The following RAB22A variants were observed in gnomAD, a reference collection of about 807,000 sequenced individuals.
RAB22A encodes the protein RAB22A, member RAS oncogene family, also known as ras-related protein Rab-22A.
A neutral mutation model predicts 30.2 loss-of-function variants in RAB22A; 13 were observed. That is an observed-to-expected ratio of 0.43 (90% CI 0.28 to 0.68). The LOEUF (loss-of-function observed/expected upper bound fraction) is 0.68, where lower values mean the gene tolerates loss of function less well. Ranked by LOEUF, RAB22A falls within the 30% of genes least tolerant of loss-of-function variation. The pLI, the probability that RAB22A is intolerant of heterozygous loss-of-function variation, is 0.18. For missense variants in RAB22A, 177 were observed against 246.8 expected, an observed-to-expected ratio of 0.72 and a Z score of 1.89; for synonymous variants, 89 against 87.2, an observed-to-expected ratio of 1.02 and a Z score of -0.11.
In RAB22A at chr20:58,362,010, T is replaced by C. The variant is rs1568684253; in HGVS notation, c.*2307T>C. 6.6e-6 allele frequency: 1 copy of C among 152,118 alleles called. No homozygotes were observed. The highest frequency in any genetic ancestry group is 1.5e-5 in the Non-Finnish European group (1 of 68,010). The allele number at this position is 152,118 out of a possible 1,614,324, so 9.4% of individuals were successfully genotyped here. A position where few individuals can be genotyped will look rare whatever the true frequency, so the allele number is the denominator to read the frequency against. ...ATGATTTCTCACCCTCCCTCCCATA[T>C]GTAGGGTGTGATTCTGTTTTATTAT... On this transcript the variant is annotated 3_prime_UTR_variant, in exon 7 of 7. Transcript: ENST00000244040.
Position 58,359,927 on chromosome 20 carries a change from A to G in RAB22A, c.*224A>G, listed in dbSNP as rs188649964. 3.5e-6 allele frequency: 1 copy of G among 287,588 alleles called. No individual in the cohort carries two copies. The highest frequency in any genetic ancestry group is 6.1e-5 in the East Asian group (1 of 16,468). 17.8% of individuals were successfully genotyped at this position (287,588 alleles called of 1,614,324 possible). A position where few individuals can be genotyped will look rare whatever the true frequency, so the allele number is the denominator to read the frequency against. On this transcript the variant is annotated 3_prime_UTR_variant, in exon 7 of 7. Coordinates refer to ENST00000244040, the MANE Select transcript of RAB22A (RefSeq NM_020673.3). ...AGAATCTCTAGTGTACAAAGGGACT[A>G]CATCGTTGGCTTTTGACCTTGCTGA...
chr20:58,318,743 C>T (rs1227172931), intron 2 of RAB22A, among the ~76,000 whole-genome samples: 1 of 152,108 alleles, frequency 6.6e-6, no homozygotes, highest in Non-Finnish European at 1.5e-5. Flanking sequence ...GCACATTTGC[C>T]CTCCCTCCAT....
At chr20:58,345,486 A>G (rs1986930438) in intron 3 of RAB22A, 1 of 152,246 alleles carries the variant, frequency 6.6e-6, no homozygotes, top group African/African-American at 2.4e-5. Flanking sequence ...ATGCACCATC[A>G]CACAGCCCAG....
At chr20:58,340,729 T>C (rs996799457) in intron 2 of RAB22A, among the ~76,000 whole-genome samples, 1 of 152,152 alleles carries the variant, frequency 6.6e-6, no homozygotes, top group African/African-American at 2.4e-5. Context: ...ATAAATGAAC[T>C]ACTCAGATGT....
chr20:58,365,272 C>T lies in RAB22A; in HGVS notation c.*5569C>T, dbSNP rs1383234941. 6.6e-6 allele frequency: 1 copy of T among 152,198 alleles called. No homozygotes were observed. Among genetic ancestry groups the T allele is most frequent in the African/African-American group, 2.4e-5 (1 of 41,450 alleles). The allele number at this position is 152,198 out of a possible 1,614,324, so 9.4% of individuals were successfully genotyped here. A position where few individuals can be genotyped will look rare whatever the true frequency, so the allele number is the denominator to read the frequency against. ...AAGGAAACCCCTCAGCATCTAACGT[C>T]ATCTTGTAGAAGAGCTGGGCATACC... On this transcript the variant is annotated 3_prime_UTR_variant, in exon 7 of 7. Coordinates refer to ENST00000244040, the MANE Select transcript of RAB22A (RefSeq NM_020673.3).
intron 2 of RAB22A, among the ~76,000 whole-genome samples, chr20:58,334,672 A>G (rs1230456924): frequency 6.6e-6 from 1 of 151,822 alleles, no homozygotes; most frequent in East Asian, 1.9e-4. Flanking sequence ...GATATAAAAT[A>G]TATCACAATG....
At chr20:58,324,396 C>T (rs1986517860) in intron 2 of RAB22A, among the ~76,000 whole-genome samples, 1 of 152,002 alleles carries the variant, frequency 6.6e-6, no homozygotes, top group African/African-American at 2.4e-5. Flanking sequence ...ACCCCGTTTT[C>T]ATTTCTGATA....
chr20:58,345,032 A>T (rs1048017030), intron 3 of RAB22A, among the ~76,000 whole-genome samples: 5 of 152,146 alleles, frequency 3.3e-5, no homozygotes, highest in African/African-American at 1.2e-4. Flanking sequence ...TGTCCTTCAG[A>T]AGTGTGTCGC....
intron 2 of RAB22A, among the ~76,000 whole-genome samples, chr20:58,317,214 G>A (rs145435680): frequency 4.0e-5 from 6 of 151,532 alleles, no homozygotes; most frequent in East Asian, 3.9e-4. Context: ...CTCCTGTTTC[G>A]ACCTCCCGAG....
At chr20:58,341,855 A>G (rs985578295) in intron 2 of RAB22A, among the ~76,000 whole-genome samples, 12 of 152,182 alleles carry the variant, frequency 7.9e-5, no homozygotes, top group South Asian at 2.1e-4. Context: ...TCCTTTGAGC[A>G]GCCAAAATGG....
At chr20:58,316,283 ATCT>A (rs1057042513) in intron 2 of RAB22A, among the ~76,000 whole-genome samples, 65 of 152,074 alleles carry the variant, frequency 4.3e-4, no homozygotes, top group African/African-American at 1.4e-3. Flanking sequence ...CCCCTCGTTC[ATCT>A]TCTTACCTCC....
In RAB22A at chr20:58,364,873, G is replaced by C. The variant is rs894320868; in HGVS notation, c.*5170G>C. On this transcript the variant is annotated 3_prime_UTR_variant, in exon 7 of 7. Transcript: ENST00000244040. ...CCTCAGCCTCCTGAGTAGCTGGGAT[G>C]ACAGGCGTGCACCACCATACCCAGC... 1 of 151,744 alleles carries C rather than the reference G, an allele frequency of 6.6e-6. No homozygotes were observed. The highest frequency in any genetic ancestry group is 1.5e-5 in the Non-Finnish European group (1 of 67,966). The allele number at this position is 151,744 out of a possible 1,614,324, so 9.4% of individuals were successfully genotyped here. A position where few individuals can be genotyped will look rare whatever the true frequency, so the allele number is the denominator to read the frequency against.
At chr20:58,323,224 T>C (rs1429013516) in intron 2 of RAB22A, among the ~76,000 whole-genome samples, 3 of 152,202 alleles carry the variant, frequency 2.0e-5, no homozygotes, top group Non-Finnish European at 2.9e-5. Context: ...TGCAGTTTTA[T>C]GCTGTTAATA....
intron 2 of RAB22A, among the ~76,000 whole-genome samples, chr20:58,320,186 T>G (rs1986425129): frequency 6.6e-6 from 1 of 152,074 alleles, no homozygotes; most frequent in Admixed American, 6.5e-5. Context: ...TTCCTTAAAG[T>G]TTTGGTAGAA....
intron 6 of RAB22A, among the ~76,000 whole-genome samples, chr20:58,357,806 C>T (rs1987156856): frequency 6.6e-6 from 1 of 152,190 alleles, no homozygotes; most frequent in Non-Finnish European, 1.5e-5. Context: ...ACTCCCCACA[C>T]AGATCCGCAG....
At position 58,354,289 on chromosome 20, in the gene RAB22A, A is replaced by G. The variant is rs751844525; in HGVS notation, c.487+24A>G. On this transcript the variant is annotated intron_variant, in intron 6 of 6. Transcript: ENST00000244040. ...TAGTGAGTATCTCTGTGCCTTATCC[A>G]TTTCCTCTGTAAAAGCCGCTTAACA... 4 of 1,531,860 alleles carry G rather than the reference A, an allele frequency of 2.6e-6. No homozygotes were observed. The East Asian group carries it at 6.8e-5, about 26-fold the overall frequency. The allele number at this position is 1,531,860 out of a possible 1,614,324, so 94.9% of individuals were successfully genotyped here.
chr20:58,329,118 A>G (rs1029447290), intron 2 of RAB22A, among the ~76,000 whole-genome samples: 7 of 146,130 alleles, frequency 4.8e-5, no homozygotes, highest in South Asian at 2.1e-4. Flanking sequence ...CAGTGGCGCT[A>G]TCTCGGCTCA....
Position 58,328,232 on chromosome 20 carries a change from A to C in RAB22A, c.117-15486A>C, listed in dbSNP as rs1209798745. 3.9e-5 allele frequency among the ~76,000 whole-genome samples: 6 copies of C among 152,096 alleles called. No homozygotes were observed. The East Asian group carries it at 1.2e-3, about 29-fold the overall frequency. On this transcript the variant is annotated intron_variant, in intron 2 of 6. Coordinates refer to ENST00000244040, the MANE Select transcript of RAB22A (RefSeq NM_020673.3). ...GGTCTCACTTTGTTGCCCAGGCTGG[A>C]GTGCAGTGGTGTGATCACAGCTCAC...
At position 58,361,938 on chromosome 20, in the gene RAB22A, G is replaced by C. The variant is rs1385482119; in HGVS notation, c.*2235G>C. The C allele has an allele frequency of 2.6e-5, 4 of 152,032 alleles. No homozygotes were observed. Among genetic ancestry groups the C allele is most frequent in the Non-Finnish European group, 5.9e-5 (4 of 68,026 alleles). 9.4% of individuals were successfully genotyped at this position (152,032 alleles called of 1,614,324 possible). A position where few individuals can be genotyped will look rare whatever the true frequency, so the allele number is the denominator to read the frequency against. ...TCTGATCTTACTGTGATGTTTTACT[G>C]TACCGAGCCCAATGTGGGTCCATCT... On this transcript the variant is annotated 3_prime_UTR_variant, in exon 7 of 7. Transcript: ENST00000244040.
Sources: gnomAD v4.1 joint callset for allele counts (sites outside exome capture counted in the v4.1 genomes callset) on GRCh38, gnomAD v4.1.1 for gene constraint, MANE v1.5 for transcripts, NCBI Gene and HGNC (gene_info 2026-07-23, HGNC 2026-07-21) for gene names.